Variants in IL3RA observed in about 807,000 individuals in gnomAD.
IL3RA encodes the protein interleukin-3 receptor subunit alpha.
In IL3RA, 73 loss-of-function variants were observed where a neutral mutation model predicts 52.3. The ratio of observed to expected loss-of-function variants is 1.40; its 90% confidence interval spans 1.16 to 1.70. The LOEUF is 1.70. IL3RA is among the 40% of genes most tolerant of loss of function. The pLI, the probability that IL3RA is intolerant of heterozygous loss-of-function variation, is 0.00. For synonymous variants in IL3RA, 260 were observed against 194.0 expected, an observed-to-expected ratio of 1.34 and a Z score of -2.83; for missense variants, 664 against 504.4, an observed-to-expected ratio of 1.32 and a Z score of -3.03.
intron 11 of IL3RA, among the ~76,000 whole-genome samples, chrX:1,381,418 C>T (rs1193502659): frequency 1.3e-5 from 2 of 152,082 alleles, no homozygotes; most frequent in African/African-American, 4.8e-5. Flanking sequence ...GGACACCTGT[C>T]TGCTGGCGCT....
Position 1,352,486 on chromosome X carries a change from TTG to T in IL3RA, c.598_599del (p.Val200ArgfsTer6), listed in dbSNP as rs1230404775. The T allele has an allele frequency of 2.5e-6, 4 of 1,613,444 alleles. No homozygotes were observed. In the African/African-American group the frequency reaches 5.3e-5, roughly 22 times the overall value. On this transcript the variant is annotated frameshift_variant, in exon 6 of 12. Transcript: ENST00000331035. LOFTEE classifies it high-confidence loss of function. The stretch of plus-strand genomic sequence containing the variant: ...TTCGGTATCCCCTGCACAGATAAGT[TTG>T]TCGTCTTTTCACAGATTGGTGAGTA...
At chrX:1,338,424 A>G (rs1603442315) in intron 1 of IL3RA, among the ~76,000 whole-genome samples, 2 of 152,322 alleles carry the variant, frequency 1.3e-5, no homozygotes, top group Admixed American at 6.5e-5. Flanking sequence ...TTACACAGCC[A>G]TGAAAAGGAA....
In IL3RA at chrX:1,378,675, G is replaced by A. The variant is rs778981109; in HGVS notation, c.891G>A (p.Glu297=). The part of the protein sequence containing the change: ...TPQRFECDQE[E]GANTRAWRTS... ...TACCCCTAGAGTGCGACCAGGAGGA[G>A]GGCGCAAACACACGTGCCTGGCGGA... Residue 297 remains glutamate (E), a synonymous_variant, in exon 10 of 12, where the codon GAG becomes GAA. Coordinates refer to ENST00000331035, the MANE Select transcript of IL3RA (RefSeq NM_002183.4). 2.5e-6 allele frequency: 4 copies of A among 1,612,574 alleles called. No individual in the cohort carries two copies. The highest frequency in any genetic ancestry group is 1.7e-5 in the Admixed American group (1 of 59,988).
intron 2 of IL3RA, among the ~76,000 whole-genome samples, chrX:1,342,460 C>A (rs1465742675): frequency 6.6e-6 from 1 of 152,022 alleles, no homozygotes; most frequent in Non-Finnish European, 1.5e-5. Flanking sequence ...GCCACAGCGC[C>A]CGGCCTTTTT....
intron 4 of IL3RA, 134 bp from the exon 5 acceptor site, chrX:1,351,966 T>C: frequency 2.7e-6 from 3 of 1,108,998 alleles, no homozygotes; most frequent in Non-Finnish European, 3.8e-6. Context: ...GGTTTCTCCA[T>C]GTTGGCCAGG....
chrX:1,362,230 CTCTG>C (rs763523636), intron 8 of IL3RA, among the ~76,000 whole-genome samples: 43 of 151,938 alleles, frequency 2.8e-4, no homozygotes, highest in African/African-American at 5.6e-4. Context: ...CCATCACCCA[CTCTG>C]TCTGTCTTTG....
chrX:1,349,019 T>G (rs1161411936), intron 4 of IL3RA, among the ~76,000 whole-genome samples: 4 of 135,094 alleles, frequency 3.0e-5, no homozygotes, highest in Non-Finnish European at 6.3e-5. Context: ...CTCTCCCCTC[T>G]CCTTTCCTGA....
chrX:1,338,988 CTTTGTATGTTTAGTAGAGTAGTAGAGAT>C (rs1267327448), intron 1 of IL3RA, among the ~76,000 whole-genome samples: 1 of 151,828 alleles, frequency 6.6e-6, no homozygotes, highest in African/African-American at 2.4e-5. Context: ...TTAGTAGAGA[CTTTGTATGTTTAGTAGAGTAGTAGAGAT>C]TTTGTATGTT....
chrX:1,352,237 G>A lies in IL3RA; in HGVS notation c.431+5G>A, dbSNP rs192255058. On this transcript the variant is annotated splice_donor_5th_base_variant and intron_variant, in intron 5 of 11. Transcript: ENST00000331035. ...CCTGTACTTGAACGTTGCCAAGTAG[G>A]TGTGCCCGTGGGCAGAGGCCGGGCT... The A allele has an allele frequency of 3.5e-3, 5,726 of 1,613,614 alleles. 18 individuals are homozygous for A. Among genetic ancestry groups the A allele is most frequent in the East Asian group, 0.018 (787 of 44,880 alleles).
In IL3RA at chrX:1,382,510, C is replaced by A; in HGVS notation, c.*45C>A. Reference sequence around the variant, plus strand: ...TGGGGGTCTGCCTCAATCTCCCTGGCCGGGCCAGGCGCCTGCACAGACTGG... The same window carrying A: ...TGGGGGTCTGCCTCAATCTCCCTGGACGGGCCAGGCGCCTGCACAGACTGG... On this transcript the variant is annotated 3_prime_UTR_variant, in exon 12 of 12. Coordinates refer to ENST00000331035, the MANE Select transcript of IL3RA (RefSeq NM_002183.4). 6.3e-7 allele frequency: 1 copy of A among 1,576,014 alleles called. No homozygotes were observed. The highest frequency in any genetic ancestry group is 1.7e-5 in the Admixed American group (1 of 59,946).
intron 2 of IL3RA, 43 bp downstream of exon 2, chrX:1,341,872 T>C (rs1569519117): frequency 1.9e-6 from 3 of 1,597,604 alleles, no homozygotes; most frequent in Admixed American, 1.7e-5. Context: ...TGGGGAGCGG[T>C]GGGGGTAGAC....
Position 1,381,110 on chromosome X carries a change from T to C in IL3RA, c.1062+6T>C, listed in dbSNP as rs1276101233. 1.2e-6 allele frequency: 2 copies of C among 1,613,660 alleles called. No homozygotes were observed. The highest frequency in any genetic ancestry group is 1.7e-6 in the Non-Finnish European group (2 of 1,179,712). ...GCTTCCAAAACGACAAGCTGGTATG[T>C]TGTTTTTTCTGCCTTGGGACGGGTC... On this transcript the variant is annotated splice_donor_region_variant and intron_variant, in intron 11 of 11. Coordinates refer to ENST00000331035, the MANE Select transcript of IL3RA (RefSeq NM_002183.4).
At chrX:1,381,524 CCAGAGCAGAG>C (rs1375118520) in intron 11 of IL3RA, among the ~76,000 whole-genome samples, 6 of 151,790 alleles carry the variant, frequency 4.0e-5, no homozygotes, top group Non-Finnish European at 7.4e-5. Context: ...ACCCTGCACA[CCAGAGCAGAG>C]CAGATTTTTT....
At chrX:1,363,879 C>T in intron 8 of IL3RA, among the ~76,000 whole-genome samples, 1 of 151,922 alleles carries the variant, frequency 6.6e-6, no homozygotes, top group East Asian at 1.9e-4. Flanking sequence ...GCCACCAGGT[C>T]AGCTCATTTA....
At chrX:1,344,087 C>A (rs1464359661) in intron 2 of IL3RA, among the ~76,000 whole-genome samples, 1 of 152,020 alleles carries the variant, frequency 6.6e-6, no homozygotes, top group African/African-American at 2.4e-5. Flanking sequence ...AGCCACCACG[C>A]CCGTTTGCTT....
intron 8 of IL3RA, 77 bp downstream of exon 8, chrX:1,358,964 TAAA>T (rs1177624256): frequency 5.2e-6 from 5 of 963,354 alleles, no homozygotes; most frequent in Non-Finnish European, 7.1e-6. Flanking sequence ...AATAAAATGA[TAAA>T]AAATATTAAT....
At chrX:1,339,544 A>G (rs774722466) in intron 1 of IL3RA, among the ~76,000 whole-genome samples, 1 of 152,294 alleles carries the variant, frequency 6.6e-6, no homozygotes, top group East Asian at 1.9e-4. Context: ...CTGTCATCCC[A>G]GCACTTTGGG....
chrX:1,382,279 C>T, intron 11 of IL3RA, 112 bp from the exon 12 acceptor site: 1 of 992,654 alleles, frequency 1.0e-6, no homozygotes, highest in Non-Finnish European at 1.6e-6. Flanking sequence ...CGTGAGACAC[C>T]ATGCCTGGCC....
chrX:1,348,655 TTTCTTTC>T lies in IL3RA; in HGVS notation c.298+113_298+119del. The T allele has an allele frequency of 4.8e-6, 2 of 415,658 alleles. 1 individual carries two copies. The highest frequency in any genetic ancestry group is 8.2e-6 in the Non-Finnish European group (2 of 244,970). The allele number at this position is 415,658 out of a possible 1,614,324, so 25.7% of individuals were successfully genotyped here. ...TTTCTTTTCTTTTTCTCTTTCTTTC[TTTCTTTC>T]TTTCTTTCTTTCTTTCTTTCTTTCT... On this transcript the variant is annotated intron_variant, in intron 4 of 11. Transcript: ENST00000331035.
Sources: allele counts gnomAD v4.1 joint callset (sites outside exome capture counted in the v4.1 genomes callset), GRCh38; gene constraint gnomAD v4.1.1; transcripts MANE v1.5; gene names NCBI Gene and HGNC (gene_info 2026-07-23, HGNC 2026-07-21).